Variants in UBE2O observed in about 807,000 individuals in gnomAD.
The protein encoded by UBE2O is ubiquitin conjugating enzyme E2 O, also known as (E3-independent) E2 ubiquitin-conjugating enzyme.
UBE2O carries 15 observed loss-of-function variants against 125.8 expected under a neutral mutation model. The observed-to-expected ratio is 0.12, with a 90% confidence interval of 0.08 to 0.18. The LOEUF (loss-of-function observed/expected upper bound fraction) is 0.18. Ranked by LOEUF, UBE2O falls within the 10% of genes least tolerant of loss-of-function variation. The pLI, the probability that UBE2O is intolerant of heterozygous loss-of-function variation, is 1.00. For synonymous variants in UBE2O, 708 were observed against 703.2 expected (o/e 1.01, Z -0.11); for missense variants, 1,280 against 1,723.6 (o/e 0.74, Z 4.56).
Position 76,390,623 on chromosome 17 carries a change from C to T in UBE2O, c.*320G>A. On this transcript the variant is annotated 3_prime_UTR_variant, in exon 18 of 18. Transcript: ENST00000319380. ...GAGAGCCCCGCGGCAGGCCCTGGAA[C>T]ACCCGCCTCTGACCTGAGAAGGGGC... 7.6e-6 allele frequency: 2 copies of T among 263,276 alleles called. No homozygotes were observed. The highest frequency in any genetic ancestry group is 7.2e-5 in the South Asian group (1 of 13,914). 16.3% of individuals were successfully genotyped at this position (263,276 alleles called of 1,614,324 possible). A position where few individuals can be genotyped will look rare whatever the true frequency, so the allele number is the denominator to read the frequency against.
chr17:76,421,468 C>T (rs536995783), intron 1 of UBE2O, among the ~76,000 whole-genome samples: 2 of 152,108 alleles, frequency 1.3e-5, no homozygotes, highest in Non-Finnish European at 1.5e-5. Context: ...CCGGTTCAAG[C>T]GATTGTCCTG....
At chr17:76,416,806 C>G (rs576962157) in intron 1 of UBE2O, among the ~76,000 whole-genome samples, 1 of 152,276 alleles carries the variant, frequency 6.6e-6, no homozygotes, top group Admixed American at 6.5e-5. Flanking sequence ...CAAGGCACAA[C>G]AGCAACAAGC....
intron 1 of UBE2O, among the ~76,000 whole-genome samples, chr17:76,416,140 GA>G (rs2072610554): frequency 6.6e-6 from 1 of 151,086 alleles, no homozygotes; most frequent in Non-Finnish European, 1.5e-5. Context: ...TGCGTGTATA[GA>G]TATATAAAGT....
rs2072504062 is a variant in UBE2O at position 76,410,914 on chromosome 17, A to C, written c.418-5342T>G. On this transcript the variant is annotated intron_variant, in intron 1 of 17. Coordinates refer to ENST00000319380, the MANE Select transcript of UBE2O (RefSeq NM_022066.4). This position sits in a 1 kb window ranked among gnomAD's most constrained non-coding sequence, Gnocchi z 4.0. The stretch of plus-strand genomic sequence containing the variant: ...TCATTCATAACACTGACCTTGACTG[A>C]CCAGGTGGAATCCAAATTCACTGTA... Among the ~76,000 whole-genome samples, 1 of 152,200 alleles carries C rather than the reference A, an allele frequency of 6.6e-6. No individual in the cohort carries two copies. Among genetic ancestry groups the C allele is most frequent in the Non-Finnish European group, 1.5e-5 (1 of 68,042 alleles).
chr17:76,446,928 T>TCC (rs1302808488), intron 1 of UBE2O, among the ~76,000 whole-genome samples: 2 of 152,190 alleles, frequency 1.3e-5, no homozygotes, highest in African/African-American at 4.8e-5. Flanking sequence ...TGAGAATGAC[T>TCC]GAGGGGTCAG....
chr17:76,430,650 C>T (rs2072890841), intron 1 of UBE2O: 2 of 331,504 alleles, frequency 6.0e-6, no homozygotes, highest in Non-Finnish European at 1.2e-5. Flanking sequence ...ATTGATTTTG[C>T]CACGGCCATG....
chr17:76,449,714 T>G (rs2073205193), intron 1 of UBE2O, among the ~76,000 whole-genome samples: 1 of 149,480 alleles, frequency 6.7e-6, no homozygotes, highest in African/African-American at 2.5e-5. Context: ...AGGTCAGGAG[T>G]TCAAGAACAG....
Position 76,398,416 on chromosome 17 carries a change from G to C in UBE2O, c.1897-33C>G. The C allele has an allele frequency of 6.2e-7, 1 of 1,614,000 alleles. No homozygotes were observed. Among genetic ancestry groups the C allele is most frequent in the South Asian group, 1.1e-5 (1 of 91,066 alleles). ...ACAGGACAGGTTGTCATGAGCTAGG[G>C]GTCCTACACCCAACCCCAGAGCCCA... On this transcript the variant is annotated intron_variant, in intron 11 of 17. Coordinates refer to ENST00000319380, the MANE Select transcript of UBE2O (RefSeq NM_022066.4). The surrounding 1 kb of genome is among the most constrained non-coding windows in gnomAD (Gnocchi z 5.4).
At chr17:76,412,610 A>G (rs753011633) in intron 1 of UBE2O, among the ~76,000 whole-genome samples, 22 of 152,162 alleles carry the variant, frequency 1.4e-4, no homozygotes, top group Non-Finnish European at 2.6e-4. Context: ...TGAAGGGTCT[A>G]GCTCCACGCT....
At chr17:76,436,384 A>C (rs2072998755) in intron 1 of UBE2O, among the ~76,000 whole-genome samples, 1 of 152,022 alleles carries the variant, frequency 6.6e-6, no homozygotes, top group Non-Finnish European at 1.5e-5. Flanking sequence ...ATGTCCTTGC[A>C]CTTTTGTATT....
At chr17:76,394,072 G>A (rs979512015) in intron 15 of UBE2O, among the ~76,000 whole-genome samples, 2 of 152,202 alleles carry the variant, frequency 1.3e-5, no homozygotes, top group African/African-American at 2.4e-5. Context: ...AACCAAAAGC[G>A]TTATTAAGAA....
intron 1 of UBE2O, among the ~76,000 whole-genome samples, chr17:76,422,259 C>T (rs186081659): frequency 3.0e-4 from 45 of 152,308 alleles, no homozygotes; most frequent in African/African-American, 1.1e-3. Context: ...TGTGGAAGCA[C>T]GACCTAAATG....
Position 76,405,113 on chromosome 17 carries a change from G to T in UBE2O, c.588+93C>A. ...TTCTGACCCAGGAAGGCTGTGCTTGGCAAGAGCACGGAGGAGGCTGTAGCC... is the reference window on the plus strand; with the variant it reads ...TTCTGACCCAGGAAGGCTGTGCTTGTCAAGAGCACGGAGGAGGCTGTAGCC... On this transcript the variant is annotated intron_variant, in intron 3 of 17. Coordinates refer to ENST00000319380, the MANE Select transcript of UBE2O (RefSeq NM_022066.4). The surrounding 1 kb of genome is among the most constrained non-coding windows in gnomAD (Gnocchi z 6.1). 1 of 945,006 alleles carries T rather than the reference G, an allele frequency of 1.1e-6. No individual in the cohort carries two copies. Among genetic ancestry groups the T allele is most frequent in the Non-Finnish European group, 1.6e-6 (1 of 627,548 alleles). 58.5% of individuals were successfully genotyped at this position (945,006 alleles called of 1,614,324 possible).
chr17:76,429,518 G>A (rs1006349737), intron 1 of UBE2O, among the ~76,000 whole-genome samples: 1 of 145,818 alleles, frequency 6.9e-6, no homozygotes, highest in Non-Finnish European at 1.5e-5. Flanking sequence ...CTCCAGCCTG[G>A]GTGACAGAGT....
At chr17:76,447,982 G>A (rs151153378) in intron 1 of UBE2O, among the ~76,000 whole-genome samples, 1 of 152,338 alleles carries the variant, frequency 6.6e-6, no homozygotes, top group East Asian at 1.9e-4. Context: ...ATCGGGGTTA[G>A]GAAGATAGAC....
At chr17:76,449,382 C>A (rs2073199262) in intron 1 of UBE2O, among the ~76,000 whole-genome samples, 1 of 152,242 alleles carries the variant, frequency 6.6e-6, no homozygotes, top group Non-Finnish European at 1.5e-5. Context: ...CAAGACCAGC[C>A]TGGCCAAAAT....
chr17:76,405,130 G>T lies in UBE2O; in HGVS notation c.588+76C>A. ...TGTGCTTGGCAAGAGCACGGAGGAG[G>T]CTGTAGCCCAGAGGTCGTGCCGCCG... is the stretch of plus-strand genomic sequence containing the variant. On this transcript the variant is annotated intron_variant, in intron 3 of 17. Coordinates refer to ENST00000319380, the MANE Select transcript of UBE2O (RefSeq NM_022066.4). This position sits in a 1 kb window ranked among gnomAD's most constrained non-coding sequence, Gnocchi z 6.1. 1 of 1,116,860 alleles carries T rather than the reference G, an allele frequency of 9.0e-7. No homozygotes were observed. The highest frequency in any genetic ancestry group is 1.3e-6 in the Non-Finnish European group (1 of 765,406). The allele number at this position is 1,116,860 out of a possible 1,614,324, so 69.2% of individuals were successfully genotyped here. A position where few individuals can be genotyped will look rare whatever the true frequency, so the allele number is the denominator to read the frequency against.
chr17:76,452,806 G>C lies in UBE2O; in HGVS notation c.336C>G (p.Gly112=). The C allele has an allele frequency of 1.3e-6, 2 of 1,518,140 alleles. No individual in the cohort carries two copies. The highest frequency in any genetic ancestry group is 1.2e-5 in the South Asian group (1 of 80,630). The allele number at this position is 1,518,140 out of a possible 1,614,324, so 94.0% of individuals were successfully genotyped here. A position where few individuals can be genotyped will look rare whatever the true frequency, so the allele number is the denominator to read the frequency against. Residue 112 remains glycine, a synonymous_variant, in exon 1 of 18, where the codon GGC becomes GGG. Coordinates refer to ENST00000319380, the MANE Select transcript of UBE2O (RefSeq NM_022066.4). This position sits in a 1 kb window ranked among gnomAD's most constrained non-coding sequence, Gnocchi z 4.4. ...AGCCGCGGCGCAGGGGGCTGGCCCG[G>C]CCCTCCTCGTGGCCCGCGCCCCCGG... is the stretch of plus-strand genomic sequence containing the variant. ...SEAGGAGHEE[G]RASPLRRGYV...
intron 1 of UBE2O, among the ~76,000 whole-genome samples, chr17:76,415,337 T>TC (rs1164178663): frequency 6.6e-6 from 1 of 152,198 alleles, no homozygotes; most frequent in African/African-American, 2.4e-5. Context: ...ACTCTTGTTC[T>TC]CATTCCACAG....
Sources: allele counts gnomAD v4.1 joint callset (sites outside exome capture counted in the v4.1 genomes callset), GRCh38; gene constraint gnomAD v4.1.1; non-coding constraint Gnocchi (gnomAD v3.1); transcripts MANE v1.5; gene names NCBI Gene and HGNC (gene_info 2026-07-23, HGNC 2026-07-21).